Variants in ARID4B observed in about 807,000 individuals in gnomAD.
The protein encoded by ARID4B is AT-rich interaction domain 4B, also known as AT-rich interactive domain-containing protein 4B.
In ARID4B, 26 loss-of-function variants were observed where a neutral mutation model predicts 147.5. That is an observed-to-expected ratio of 0.18 (90% CI 0.13 to 0.24). The LOEUF (loss-of-function observed/expected upper bound fraction) is 0.24, where lower values mean the gene tolerates loss of function less well. Ranked by LOEUF, ARID4B falls within the 10% of genes least tolerant of loss-of-function variation. The pLI is 1.00. For missense variants in ARID4B, 1,179 were observed against 1,511.5 expected, an observed-to-expected ratio of 0.78 and a Z score of 3.65; for synonymous variants, 512 against 507.9, an observed-to-expected ratio of 1.01 and a Z score of -0.11.
At chr1:235,242,222 T>C (rs906050739) in intron 7 of ARID4B, among the ~76,000 whole-genome samples, 2 of 148,578 alleles carry the variant, frequency 1.3e-5, no homozygotes, top group African/African-American at 5.0e-5. Context: ...CACTCCAGCC[T>C]GGGCGACAGA....
At chr1:235,301,028 T>C (rs1466185940) in intron 2 of ARID4B, among the ~76,000 whole-genome samples, 1 of 149,586 alleles carries the variant, frequency 6.7e-6, no homozygotes, top group Non-Finnish European at 1.5e-5. Flanking sequence ...AATACATTTT[T>C]TTAAGTATTC....
At chr1:235,203,029 A>C (rs539301165) in intron 17 of ARID4B, among the ~76,000 whole-genome samples, 61 of 152,362 alleles carry the variant, frequency 4.0e-4, no homozygotes, top group Non-Finnish European at 7.6e-4. Flanking sequence ...CAACAAAAGA[A>C]GACAATACTA....
Position 235,211,156 on chromosome 1 carries a change from A to C in ARID4B, c.1841+2613T>G, listed in dbSNP as rs1355592869. 2.0e-5 allele frequency among the ~76,000 whole-genome samples: 3 copies of C among 152,160 alleles called. No homozygotes were observed. The East Asian group carries it at 5.8e-4, about 29-fold the overall frequency. On this transcript the variant is annotated intron_variant, in intron 17 of 23. Transcript: ENST00000264183. ...TGAGACCAGCCTAACAAACATGGAGAAACCCCATCTCTACTAAAAATACAA... is the reference window on the plus strand; with the variant it reads ...TGAGACCAGCCTAACAAACATGGAGCAACCCCATCTCTACTAAAAATACAA...
At chr1:235,187,863 T>C (rs1316075609) in intron 19 of ARID4B, among the ~76,000 whole-genome samples, 2 of 152,168 alleles carry the variant, frequency 1.3e-5, no homozygotes, top group African/African-American at 4.8e-5. Context: ...TATGCAAATA[T>C]GATACTCATT....
chr1:235,172,657 C>T lies in ARID4B; in HGVS notation c.3772G>A (p.Asp1258Asn), dbSNP rs147747446. The change falls in exon 23 of 24, where the codon GAT becomes AAT. Residue 1258 changes from aspartate (D) to asparagine (N), a missense_variant. By Grantham distance (23) the Asp-to-Asn change is conservative. Transcript: ENST00000264183. ...TTCTTTAAACGCTTTCTCCTCCGATCAATGGAAGCTACTTCAGATTTTAAT... is the reference window on the plus strand; with the variant it reads ...TTCTTTAAACGCTTTCTCCTCCGATTAATGGAAGCTACTTCAGATTTTAAT... ...LSLKSEVASIDRRRKRLKKKE... is the reference protein window; with the variant it reads ...LSLKSEVASINRRRKRLKKKE... The T allele has an allele frequency of 1.8e-4, 291 of 1,597,204 alleles. No individual in the cohort carries two copies. The highest frequency in any genetic ancestry group is 2.4e-4 in the Non-Finnish European group (283 of 1,174,208).
chr1:235,275,366 G>GC (rs1423167089), intron 2 of ARID4B, among the ~76,000 whole-genome samples: 1 of 152,198 alleles, frequency 6.6e-6, no homozygotes, highest in African/African-American at 2.4e-5. Context: ...ATGTGATGCA[G>GC]CCTATGGTAG....
In ARID4B at chr1:235,181,765, C is replaced by T; in HGVS notation, c.3154G>A (p.Ala1052Thr). Reference protein sequence around the residue: ...QSSVTVSEPLAPNQEEVRSIK... With the variant: ...QSSVTVSEPLTPNQEEVRSIK... Reference sequence around the variant, plus strand: ...CTTCGAACCTCTTCTTGGTTTGGAGCCAGTGGTTCTGATACTGTTACAGAA... The same window carrying T: ...CTTCGAACCTCTTCTTGGTTTGGAGTCAGTGGTTCTGATACTGTTACAGAA... The change falls in exon 20 of 24, where the codon GCT (alanine) becomes ACT (threonine). Residue 1052 changes from alanine to threonine, a missense_variant. Physicochemically the swap from Ala to Thr is moderately conservative, Grantham distance 58. Around this residue, in one of 10 missense-constraint regions of ARID4B, gnomAD observed 357 missense variants for 427.3 expected, o/e 0.84. Coordinates refer to ENST00000264183, the MANE Select transcript of ARID4B (RefSeq NM_016374.6). 1 of 1,614,164 alleles carries T rather than the reference C, an allele frequency of 6.2e-7. No individual in the cohort carries two copies. Among genetic ancestry groups the T allele is most frequent in the African/African-American group, 1.3e-5 (1 of 75,050 alleles).
At chr1:235,232,666 G>A (rs771127019) in intron 9 of ARID4B, among the ~76,000 whole-genome samples, 5 of 151,944 alleles carry the variant, frequency 3.3e-5, no homozygotes, top group Non-Finnish European at 7.4e-5. Context: ...CTGTACATCA[G>A]ATCCTGTACA....
At chr1:235,307,597 T>A (rs186673580) in intron 2 of ARID4B, among the ~76,000 whole-genome samples, 1 of 152,268 alleles carries the variant, frequency 6.6e-6, no homozygotes, top group East Asian at 1.9e-4. Flanking sequence ...ACCACCCAGA[T>A]TGTAAAACTT....
intron 2 of ARID4B, among the ~76,000 whole-genome samples, chr1:235,311,841 A>G (rs1674075616): frequency 1.3e-5 from 2 of 152,222 alleles, no homozygotes; most frequent in Non-Finnish European, 2.9e-5. Flanking sequence ...AAGCACTGCT[A>G]CATACCTGCA....
chr1:235,179,706 C>CT (rs144417289), intron 20 of ARID4B, among the ~76,000 whole-genome samples: 1,562 of 150,790 alleles, frequency 0.01, 25 homozygotes, highest in African/African-American at 0.033. Context: ...AAGATATCCT[C>CT]TTTTTTTTTG....
chr1:235,218,976 C>T (rs1427824135), intron 16 of ARID4B, among the ~76,000 whole-genome samples: 1 of 151,116 alleles, frequency 6.6e-6, no homozygotes, highest in East Asian at 1.9e-4. Flanking sequence ...AGAGATTCTC[C>T]TGCCTCACCC....
chr1:235,171,549 G>C (rs899492730), intron 23 of ARID4B, among the ~76,000 whole-genome samples: 1 of 152,156 alleles, frequency 6.6e-6, no homozygotes, highest in Non-Finnish European at 1.5e-5. Flanking sequence ...TGCTAACCCA[G>C]TAGAGAGGCT....
intron 2 of ARID4B, among the ~76,000 whole-genome samples, chr1:235,268,082 G>A (rs1670734821): frequency 6.6e-6 from 1 of 152,222 alleles, no homozygotes; most frequent in East Asian, 1.9e-4. Context: ...GAGGCCTGGG[G>A]GAACCACATG....
chr1:235,273,550 C>A (rs1243408863), intron 2 of ARID4B, among the ~76,000 whole-genome samples: 1 of 152,176 alleles, frequency 6.6e-6, no homozygotes, highest in Non-Finnish European at 1.5e-5. Flanking sequence ...CTGCTAAATG[C>A]ATCCTGATTT....
intron 2 of ARID4B, among the ~76,000 whole-genome samples, chr1:235,311,724 A>T (rs1464576451): frequency 6.6e-6 from 1 of 150,874 alleles, no homozygotes; most frequent in Admixed American, 6.6e-5. Context: ...CAGTGAGCCA[A>T]GACTGTGCCA....
At chr1:235,169,021 T>C (rs1268583831) in intron 23 of ARID4B, among the ~76,000 whole-genome samples, 2 of 152,166 alleles carry the variant, frequency 1.3e-5, no homozygotes, top group African/African-American at 4.8e-5. Context: ...CAAAAATCAT[T>C]TGTCCCCTCC....
rs902151878 is a variant in ARID4B, at chr1:235,262,812, A to G, written c.7-2060T>C. 1.3e-3 allele frequency among the ~76,000 whole-genome samples: 194 copies of G among 152,326 alleles called. 1 individual carries two copies. Among genetic ancestry groups the G allele is most frequent in the African/African-American group, 4.6e-3 (190 of 41,564 alleles). On this transcript the variant is annotated intron_variant, in intron 2 of 23. Coordinates refer to ENST00000264183, the MANE Select transcript of ARID4B (RefSeq NM_016374.6). ...CAAGATCCTATCTCAATTAATTAAA[A>G]AAAAATTTTTATCATAAGGATGGGA...
intron 2 of ARID4B, among the ~76,000 whole-genome samples, chr1:235,300,116 T>C (rs1172386502): frequency 1.3e-5 from 2 of 152,114 alleles, no homozygotes; most frequent in African/African-American, 2.4e-5. Flanking sequence ...GGTGTGACTG[T>C]CAGAAAAACA....
Sources: gnomAD v4.1 joint callset for allele counts (sites outside exome capture counted in the v4.1 genomes callset) on GRCh38, gnomAD v4.1.1 for gene constraint, gnomAD v4.1.1 regional missense constraint, MANE v1.5 for transcripts, NCBI Gene and HGNC (gene_info 2026-07-23, HGNC 2026-07-21) for gene names.